Variants in NR2F1-AS1 observed in about 807,000 individuals in gnomAD.
The protein encoded by NR2F1-AS1 is NR2F1 regulatory antisense RNA 1, also known as NR2F1 antisense RNA 1.
intron 1 of NR2F1-AS1, among the ~76,000 whole-genome samples, chr5:93,568,600 T>C (rs955299516): frequency 4.6e-5 from 7 of 152,184 alleles, no homozygotes; most frequent in African/African-American, 1.7e-4. Flanking sequence ...AACCCCAGAA[T>C]ACCTAGTCAC....
At chr5:93,553,297 C>A (rs1752276563) in intron 4 of NR2F1-AS1, among the ~76,000 whole-genome samples, 1 of 152,048 alleles carries the variant, frequency 6.6e-6, no homozygotes, top group East Asian at 1.9e-4. Context: ...AACATGTTGG[C>A]CAGGCTGGTT....
At chr5:93,502,397 A>C (rs1751099737) in intron 4 of NR2F1-AS1, among the ~76,000 whole-genome samples, 1 of 152,172 alleles carries the variant, frequency 6.6e-6, no homozygotes, top group South Asian at 2.1e-4. Flanking sequence ...GGGTTCAACA[A>C]AGAGGTAACC....
intron 4 of NR2F1-AS1, among the ~76,000 whole-genome samples, chr5:93,488,482 C>G (rs1315877062): frequency 1.3e-5 from 2 of 152,220 alleles, no homozygotes; most frequent in African/African-American, 4.8e-5. Context: ...AGCCAACAAA[C>G]ATGTGAAGAA....
chr5:93,516,625 A>G (rs1751406125), intron 4 of NR2F1-AS1, among the ~76,000 whole-genome samples: 1 of 151,922 alleles, frequency 6.6e-6, no homozygotes, highest in African/African-American at 2.4e-5. Flanking sequence ...TTAATGGCCA[A>G]AAAAGTTAAG....
At chr5:93,465,665 G>A (rs1750213388) in intron 4 of NR2F1-AS1, among the ~76,000 whole-genome samples, 1 of 143,064 alleles carries the variant, frequency 7.0e-6, no homozygotes, top group South Asian at 2.1e-4. Context: ...GCAAAGACTT[G>A]GAACCAACCC....
At chr5:93,486,624 A>C (rs1037433158) in intron 4 of NR2F1-AS1, among the ~76,000 whole-genome samples, 1 of 152,174 alleles carries the variant, frequency 6.6e-6, no homozygotes, top group South Asian at 2.1e-4. Context: ...CCAAAACAAA[A>C]GCCCAGGACC....
At chr5:93,459,558 G>C (rs1273388497) in intron 4 of NR2F1-AS1, among the ~76,000 whole-genome samples, 6 of 152,136 alleles carry the variant, frequency 3.9e-5, no homozygotes, top group Non-Finnish European at 8.8e-5. Flanking sequence ...TTATACCTCA[G>C]TAAAGCTGAG....
chr5:93,520,517 G>A (rs1005342947), intron 4 of NR2F1-AS1, among the ~76,000 whole-genome samples: 1 of 152,012 alleles, frequency 6.6e-6, no homozygotes, highest in Non-Finnish European at 1.5e-5. Context: ...GAAGTATACA[G>A]GTTTTACTGA....
At chr5:93,471,612 G>C (rs1270040382) in intron 4 of NR2F1-AS1, among the ~76,000 whole-genome samples, 1 of 151,700 alleles carries the variant, frequency 6.6e-6, no homozygotes, top group Non-Finnish European at 1.5e-5. Flanking sequence ...CATATTTTTA[G>C]GAGTTTATAA....
chr5:93,498,031 A>G (rs1463982654), intron 4 of NR2F1-AS1, among the ~76,000 whole-genome samples: 1 of 152,190 alleles, frequency 6.6e-6, no homozygotes, highest in Non-Finnish European at 1.5e-5. Context: ...TTCTTAGAGA[A>G]TAAGTCTTAT....
chr5:93,552,006 G>C (rs1752241437), intron 4 of NR2F1-AS1, among the ~76,000 whole-genome samples: 1 of 152,142 alleles, frequency 6.6e-6, no homozygotes. Context: ...CCAACTGCTA[G>C]AATCACCTTT....
chr5:93,481,926 T>C (rs1183458689), intron 4 of NR2F1-AS1, among the ~76,000 whole-genome samples: 1 of 152,100 alleles, frequency 6.6e-6, no homozygotes, highest in Non-Finnish European at 1.5e-5. Context: ...AGGGGAAATT[T>C]TTATAGCTGT....
In NR2F1-AS1 at chr5:93,515,858, A is replaced by C. The variant is rs144907148; in HGVS notation, n.638+37903T>G. Among the ~76,000 whole-genome samples, 303 of 152,034 alleles carry C rather than the reference A, an allele frequency of 2.0e-3. 2 individuals are homozygous for C. The highest frequency in any genetic ancestry group is 3.6e-3 in the Non-Finnish European group (243 of 67,834). ...TATCATTTTTACTTATTTATGGTTA[A>C]ACATAAGGTAATAAACTGAAAACAG... is the stretch of plus-strand genomic sequence containing the variant. On this transcript the variant is annotated intron_variant and non_coding_transcript_variant, in intron 4 of 5. Coordinates refer to ENST00000660523, the Ensembl canonical transcript of NR2F1-AS1.
chr5:93,442,408 C>T (rs1044408407), intron 4 of NR2F1-AS1, among the ~76,000 whole-genome samples: 2 of 152,134 alleles, frequency 1.3e-5, no homozygotes, highest in African/African-American at 2.4e-5. Flanking sequence ...GCACCTGGCT[C>T]GGAGGGTCCC....
chr5:93,544,683 G>A (rs1752034772), intron 4 of NR2F1-AS1: 2 of 152,074 alleles, frequency 1.3e-5, no homozygotes. Flanking sequence ...CAGCACTTTG[G>A]GAGGCCGAGG....
chr5:93,506,310 G>A (rs1430806024), intron 4 of NR2F1-AS1, among the ~76,000 whole-genome samples: 1 of 152,128 alleles, frequency 6.6e-6, no homozygotes, highest in Non-Finnish European at 1.5e-5. Flanking sequence ...TTTCTAGGAT[G>A]TTCCAAACTT....
intron 4 of NR2F1-AS1, among the ~76,000 whole-genome samples, chr5:93,533,742 A>T (rs758839438): frequency 2.0e-5 from 3 of 152,180 alleles, no homozygotes; most frequent in Non-Finnish European, 4.4e-5. Flanking sequence ...ACAGAAGAGG[A>T]AGGTAAGGCT....
intron 4 of NR2F1-AS1, among the ~76,000 whole-genome samples, chr5:93,459,595 T>C (rs1750045259): frequency 6.6e-6 from 1 of 152,152 alleles, no homozygotes; most frequent in African/African-American, 2.4e-5. Flanking sequence ...GACAAAACAT[T>C]TTTAAATTAG....
At chr5:93,583,376 TCCTCTCTTCTCTGAA>T (rs1220050047), upstream of NR2F1-AS1, 2 of 150,754 alleles carry the variant, frequency 1.3e-5, no homozygotes, top group Non-Finnish European at 1.5e-5. Context: ...CCTCTCTCTC[TCCTCTCTTCTCTGAA>T]CCTCTCTTCT....
Sources: allele counts gnomAD v4.1 joint callset (sites outside exome capture counted in the v4.1 genomes callset), GRCh38; gene constraint gnomAD v4.1.1; transcripts MANE v1.5; gene names NCBI Gene and HGNC (gene_info 2026-07-23, HGNC 2026-07-21).